The following MECOM variants were observed in gnomAD, a reference collection of about 807,000 sequenced individuals.
MECOM encodes histone-lysine N-methyltransferase MECOM.
MECOM carries 13 observed loss-of-function variants against 116.3 expected under a neutral mutation model. The ratio of observed to expected loss-of-function variants is 0.11; its 90% confidence interval spans 0.07 to 0.18. The LOEUF is 0.18. MECOM is among the 10% of genes least tolerant of loss of function. MECOM has a pLI of 1.00. For synonymous variants in MECOM, 528 were observed against 535.2 expected (o/e 0.99, Z 0.19); for missense variants, 1,299 against 1,509.0 (o/e 0.86, Z 2.31).
At chr3:169,451,044 G>C (rs78110722) in intron 1 of MECOM, among the ~76,000 whole-genome samples, 2 of 151,994 alleles carry the variant, frequency 1.3e-5, no homozygotes, top group South Asian at 2.1e-4. Flanking sequence ...TTCCAATCTA[G>C]ATCTTTGTTA....
chr3:169,576,262 T>C (rs1764482564), intron 1 of MECOM, among the ~76,000 whole-genome samples: 1 of 152,180 alleles, frequency 6.6e-6, no homozygotes, highest in Non-Finnish European at 1.5e-5. Context: ...ATTATTATTA[T>C]TTAACGTTTA....
At position 169,116,746 on chromosome 3, in the gene MECOM, G is replaced by A; in HGVS notation, c.1133-7C>T. The A allele has an allele frequency of 1.3e-6, 2 of 1,565,946 alleles. No individual in the cohort carries two copies. The highest frequency in any genetic ancestry group is 1.4e-5 in the African/African-American group (1 of 72,794). On this transcript the variant is annotated splice_region_variant and splice_polypyrimidine_tract_variant and intron_variant, in intron 7 of 16. Coordinates refer to ENST00000651503, the MANE Select transcript of MECOM (RefSeq NM_004991.4). ...GATTTATGGCAGACCTCACCTGTGT[G>A]CAAACAACAAAAAAGAATCTCAGGC...
chr3:169,227,433 A>G (rs1752870685), intron 2 of MECOM, among the ~76,000 whole-genome samples: 1 of 152,176 alleles, frequency 6.6e-6, no homozygotes, highest in South Asian at 2.1e-4. Context: ...CCAGAAATTT[A>G]TTTGCTAAAT....
At chr3:169,094,199 G>A (rs946551149) in intron 13 of MECOM, among the ~76,000 whole-genome samples, 3 of 152,098 alleles carry the variant, frequency 2.0e-5, no homozygotes, top group Non-Finnish European at 4.4e-5. Context: ...GGGGAAGAAA[G>A]ATTAATAATT....
intron 1 of MECOM, among the ~76,000 whole-genome samples, chr3:169,474,579 C>T (rs1366806412): frequency 6.6e-6 from 1 of 151,728 alleles, no homozygotes; most frequent in African/African-American, 2.4e-5. Flanking sequence ...CTGCTTTTTC[C>T]CTAATGCTAA....
intron 1 of MECOM, among the ~76,000 whole-genome samples, chr3:169,471,054 A>T (rs968687980): frequency 6.6e-6 from 1 of 152,044 alleles, no homozygotes; most frequent in Middle Eastern, 3.4e-3. Context: ...CCTTCTCCAC[A>T]CAACTTCCCC....
At chr3:169,270,842 A>G (rs952793881) in intron 2 of MECOM, among the ~76,000 whole-genome samples, 2 of 152,228 alleles carry the variant, frequency 1.3e-5, no homozygotes, top group Non-Finnish European at 2.9e-5. Context: ...AATTCATGGT[A>G]AAATATTAAT....
chr3:169,180,794 GATATATATAT>G (rs10576266), intron 2 of MECOM, among the ~76,000 whole-genome samples: 1 of 108,718 alleles, frequency 9.2e-6, no homozygotes, highest in African/African-American at 3.2e-5. Context: ...GTGTGGAGAT[GATATATATAT>G]ATATATATAT....
intron 1 of MECOM, among the ~76,000 whole-genome samples, chr3:169,588,592 T>C (rs1199884394): frequency 2.0e-5 from 3 of 152,178 alleles, no homozygotes; most frequent in African/African-American, 7.2e-5. Context: ...TAATAGGTTG[T>C]TTCATTTGTG....
intron 1 of MECOM, among the ~76,000 whole-genome samples, chr3:169,466,739 A>G (rs901790753): frequency 3.3e-5 from 5 of 152,078 alleles, no homozygotes; most frequent in African/African-American, 1.2e-4. Context: ...ATACATAGAG[A>G]GAGATTCTGG....
intron 1 of MECOM, among the ~76,000 whole-genome samples, chr3:169,444,004 A>T (rs1482594985): frequency 6.6e-6 from 1 of 152,224 alleles, no homozygotes; most frequent in Non-Finnish European, 1.5e-5. Context: ...TCACTCTTTC[A>T]TAAGTTTCTC....
intron 3 of MECOM, among the ~76,000 whole-genome samples, chr3:169,134,978 A>C (rs1437403869): frequency 6.6e-6 from 1 of 152,168 alleles, no homozygotes; most frequent in Admixed American, 6.5e-5. Context: ...TAAAAATGCA[A>C]CAAAGGAGTG....
At chr3:169,486,228 C>T (rs1752371622) in intron 1 of MECOM, among the ~76,000 whole-genome samples, 3 of 151,454 alleles carry the variant, frequency 2.0e-5, no homozygotes, top group Admixed American at 2.0e-4. Flanking sequence ...AGCACTTCTC[C>T]ACAATGCCTA....
At chr3:169,124,443 A>G (rs1380645139) in intron 5 of MECOM, among the ~76,000 whole-genome samples, 1 of 152,086 alleles carries the variant, frequency 6.6e-6, no homozygotes, top group African/African-American at 2.4e-5. Flanking sequence ...TCAAATAGTC[A>G]TAACAGACTT....
At chr3:169,147,600 C>A in intron 2 of MECOM, 2 of 985,394 alleles carry the variant, frequency 2.0e-6, no homozygotes, top group Non-Finnish European at 2.4e-6. Context: ...GATGCACCAT[C>A]CCCCTTAAAC....
intron 2 of MECOM, among the ~76,000 whole-genome samples, chr3:169,374,811 T>A (rs944735035): frequency 6.6e-6 from 1 of 151,930 alleles, no homozygotes; most frequent in African/African-American, 2.4e-5. Context: ...GGTAAGAGGA[T>A]CACTTGAGGA....
At chr3:169,587,487 G>A (rs1419528148) in intron 1 of MECOM, among the ~76,000 whole-genome samples, 1 of 149,478 alleles carries the variant, frequency 6.7e-6, no homozygotes, top group Non-Finnish European at 1.5e-5. Context: ...ACAATCACCT[G>A]TTGAATGGGC....
intron 1 of MECOM, among the ~76,000 whole-genome samples, chr3:169,511,792 AT>A (rs1165642804): frequency 1.4e-4 from 21 of 151,988 alleles, no homozygotes; most frequent in African/African-American, 2.7e-4. Flanking sequence ...ACAAAAAAAA[AT>A]TTTTTTTAAA....
intron 1 of MECOM, among the ~76,000 whole-genome samples, chr3:169,572,103 C>A (rs1203372155): frequency 1.3e-5 from 2 of 152,134 alleles, no homozygotes; most frequent in African/African-American, 2.4e-5. Flanking sequence ...TGACAAAGGG[C>A]TAATATCCAG....
Sources: allele counts gnomAD v4.1 joint callset (sites outside exome capture counted in the v4.1 genomes callset), GRCh38; gene constraint gnomAD v4.1.1; transcripts MANE v1.5; gene names NCBI Gene and HGNC (gene_info 2026-07-23, HGNC 2026-07-21).